The following LAMC1 variants were observed in gnomAD, a reference collection of about 807,000 sequenced individuals.
LAMC1 encodes laminin subunit gamma-1.
LAMC1 carries 38 observed loss-of-function variants against 173.6 expected under a neutral mutation model. The observed-to-expected ratio is 0.22, with a 90% CI of 0.17 to 0.29. The LOEUF (loss-of-function observed/expected upper bound fraction) is 0.29, where lower values mean the gene tolerates loss of function less well. Ranked by LOEUF, LAMC1 falls within the 10% of genes least tolerant of loss-of-function variation. The pLI, the probability that LAMC1 is intolerant of heterozygous loss-of-function variation, is 1.00. For missense variants in LAMC1, 1,824 were observed against 2,051.8 expected (o/e 0.89, Z 2.14); for synonymous variants, 746 against 749.1 (o/e 1.00, Z 0.07).
In LAMC1 at chr1:183,114,531, C is replaced by T; in HGVS notation, c.1022C>T (p.Pro341Leu). 1 of 1,614,160 alleles carries T rather than the reference C, an allele frequency of 6.2e-7. No homozygotes were observed. The highest frequency in any genetic ancestry group is 8.5e-7 in the Non-Finnish European group (1 of 1,179,990). The change falls in exon 5 of 28, where the codon CCC (proline) becomes CTC (leucine). Residue 341 changes from proline to leucine, a missense_variant and splice_region_variant. Physicochemically the swap from Pro to Leu is moderately conservative, Grantham distance 98. Coordinates refer to ENST00000258341, the MANE Select transcript of LAMC1 (RefSeq NM_002293.4). ...GTAACTCGTGTGTTTTGACTGACAG[C>T]CTGTGATTGCAATGGTCGATCCCAG... is the stretch of plus-strand genomic sequence containing the variant. ...ATAESASECL[P>L]CDCNGRSQEC...
chr1:183,106,334 C>G (rs1655977525), intron 2 of LAMC1, among the ~76,000 whole-genome samples: 1 of 152,210 alleles, frequency 6.6e-6, no homozygotes, highest in Admixed American at 6.5e-5. Flanking sequence ...CTAAAAGATT[C>G]CTACTGTTGT....
chr1:183,117,596 G>A lies in LAMC1; in HGVS notation c.1750G>A (p.Asp584Asn). Residue 584 changes from aspartate (D) to asparagine (N), a missense_variant, in exon 10 of 28, where the codon GAC becomes AAC. Coordinates refer to ENST00000258341, the MANE Select transcript of LAMC1 (RefSeq NM_002293.4). Reference protein sequence around the residue: ...GQNLSFSFRVDRRDTRLSAED... With the variant: ...GQNLSFSFRVNRRDTRLSAED... ...GAACCTCTCCTTCTCCTTTCGAGTG[G>A]ACAGGCGAGATACTCGCCTCTCTGC... is the stretch of plus-strand genomic sequence containing the variant. 6.2e-7 allele frequency: 1 copy of A among 1,614,188 alleles called. No homozygotes were observed.
chr1:183,071,866 A>C (rs1416067914), intron 1 of LAMC1, among the ~76,000 whole-genome samples: 1 of 152,216 alleles, frequency 6.6e-6, no homozygotes. Flanking sequence ...CATGGAAAAC[A>C]AGGTTATATT....
intron 1 of LAMC1, among the ~76,000 whole-genome samples, chr1:183,094,001 A>G (rs10911241): frequency 0.1 from 15,859 of 152,248 alleles, 1,025 homozygotes; most frequent in Admixed American, 0.2. Context: ...TCCTTTGTAT[A>G]AAACTCTCCA....
chr1:183,067,732 C>A (rs534172511), intron 1 of LAMC1, among the ~76,000 whole-genome samples: 17 of 152,086 alleles, frequency 1.1e-4, no homozygotes, highest in Non-Finnish European at 2.5e-4. Context: ...CCTCGTTATC[C>A]ACCTGCCTTG....
intron 11 of LAMC1, among the ~76,000 whole-genome samples, chr1:183,120,306 G>A (rs986345389): frequency 1.3e-5 from 2 of 152,044 alleles, no homozygotes; most frequent in African/African-American, 4.8e-5. Flanking sequence ...GAAAAGACAT[G>A]GACTATAATT....
chr1:183,082,098 C>T (rs1655293590), intron 1 of LAMC1, among the ~76,000 whole-genome samples: 1 of 152,162 alleles, frequency 6.6e-6, no homozygotes, highest in Middle Eastern at 3.2e-3. Context: ...GGATAATATT[C>T]CATTGTATGC....
At chr1:183,083,909 C>T (rs1416540015) in intron 1 of LAMC1, among the ~76,000 whole-genome samples, 3 of 152,004 alleles carry the variant, frequency 2.0e-5, no homozygotes, top group African/African-American at 7.3e-5. Flanking sequence ...TTTAAATTTG[C>T]GTAAGATTGC....
intron 2 of LAMC1, among the ~76,000 whole-genome samples, chr1:183,106,256 G>A (rs1221694244): frequency 6.6e-6 from 1 of 152,320 alleles, no homozygotes; most frequent in East Asian, 1.9e-4. Flanking sequence ...TGATAAGGTC[G>A]AAGCCTTGTA....
At chr1:183,033,773 C>A (rs1483132957) in intron 1 of LAMC1, among the ~76,000 whole-genome samples, 1 of 152,028 alleles carries the variant, frequency 6.6e-6, no homozygotes, top group Non-Finnish European at 1.5e-5. Context: ...CTCACTGCAA[C>A]CTCCACCTCC....
At position 183,103,409 on chromosome 1, in the gene LAMC1, G is replaced by A. The variant is rs775962847; in HGVS notation, c.500G>A (p.Arg167Gln). 1.2e-5 allele frequency: 19 copies of A among 1,614,140 alleles called. No homozygotes were observed. Among genetic ancestry groups the A allele is most frequent in the Middle Eastern group, 3.3e-4 (2 of 6,062 alleles). Residue 167 changes from arginine (R) to glutamine (Q), a missense_variant, in exon 2 of 28, where the codon CGG becomes CAG. Coordinates refer to ENST00000258341, the MANE Select transcript of LAMC1 (RefSeq NM_002293.4). ...PESFAIYKRT[R>Q]EDGPWIPYQY... Reference sequence around the variant, plus strand: ...AGCTTTGCCATTTACAAGCGCACACGGGAAGACGGGCCCTGGATTCCTTAC... The same window carrying A: ...AGCTTTGCCATTTACAAGCGCACACAGGAAGACGGGCCCTGGATTCCTTAC...
Position 183,060,878 on chromosome 1 carries a change from AG to A in LAMC1, c.418+36745del, listed in dbSNP as rs538981306. ...AGTTTGAGAAAATATCGTGTTGAGA[AG>A]TAGGTTTGTGTAAAATAGAGATAGG... On this transcript the variant is annotated intron_variant, in intron 1 of 27. Coordinates refer to ENST00000258341, the MANE Select transcript of LAMC1 (RefSeq NM_002293.4). Among the ~76,000 whole-genome samples the A allele has an allele frequency of 1.4e-3, 211 of 152,350 alleles. 2 individuals are homozygous for A. Among genetic ancestry groups the A allele is most frequent in the African/African-American group, 4.8e-3 (199 of 41,580 alleles).
At chr1:183,058,988 A>C (rs193033504) in intron 1 of LAMC1, among the ~76,000 whole-genome samples, 2 of 152,308 alleles carry the variant, frequency 1.3e-5, no homozygotes, top group African/African-American at 2.4e-5. Flanking sequence ...TTGGGAAAAA[A>C]CGTCTCACAG....
At chr1:183,084,767 T>G (rs1033022353) in intron 1 of LAMC1, among the ~76,000 whole-genome samples, 1 of 152,224 alleles carries the variant, frequency 6.6e-6, no homozygotes, top group Non-Finnish European at 1.5e-5. Context: ...CCTTTTTTTA[T>G]TGTGTCATTA....
chr1:183,090,952 T>C (rs938699573), intron 1 of LAMC1, among the ~76,000 whole-genome samples: 1 of 152,204 alleles, frequency 6.6e-6, no homozygotes, highest in Admixed American at 6.5e-5. Flanking sequence ...ATTACAGATT[T>C]CATTTTTTGA....
At chr1:183,078,738 C>T (rs192892539) in intron 1 of LAMC1, among the ~76,000 whole-genome samples, 9 of 152,078 alleles carry the variant, frequency 5.9e-5, no homozygotes, top group Non-Finnish European at 1.0e-4. Flanking sequence ...AGTCTGGGCA[C>T]GGTGGCTCAC....
At chr1:183,058,224 T>C (rs1003459014) in intron 1 of LAMC1, among the ~76,000 whole-genome samples, 5 of 152,226 alleles carry the variant, frequency 3.3e-5, no homozygotes, top group Admixed American at 3.3e-4. Flanking sequence ...CTGACTTGTG[T>C]AGTTGAGTGG....
intron 5 of LAMC1, 86 bp downstream of exon 5, chr1:183,114,805 A>G: frequency 1.5e-6 from 2 of 1,309,794 alleles, no homozygotes; most frequent in South Asian, 1.3e-5. Flanking sequence ...AGGCATTTGG[A>G]CAACTAAATG....
chr1:183,059,304 A>G (rs1246022675), intron 1 of LAMC1, among the ~76,000 whole-genome samples: 12 of 152,242 alleles, frequency 7.9e-5, no homozygotes, highest in African/African-American at 2.9e-4. Context: ...TGGGTTATTA[A>G]TACATTACAT....
Sources: gnomAD v4.1 joint callset for allele counts (sites outside exome capture counted in the v4.1 genomes callset) on GRCh38, gnomAD v4.1.1 for gene constraint, MANE v1.5 for transcripts, NCBI Gene and HGNC (gene_info 2026-07-23, HGNC 2026-07-21) for gene names.